SCYL3: variants seen among roughly 807,000 people sequenced by gnomAD.
The protein encoded by SCYL3 is SCY1 like pseudokinase 3.
A neutral mutation model predicts 73.8 loss-of-function variants in SCYL3; 35 were observed. The ratio of observed to expected loss-of-function variants is 0.47; its 90% confidence interval spans 0.36 to 0.63. The LOEUF (loss-of-function observed/expected upper bound fraction) is 0.63, where lower values mean the gene tolerates loss of function less well. Ranked by LOEUF, SCYL3 falls within the 20% of genes least tolerant of loss-of-function variation. The pLI, the probability that SCYL3 is intolerant of heterozygous loss-of-function variation, is 0.00. For missense variants in SCYL3, 712 were observed against 798.9 expected, an observed-to-expected ratio of 0.89 and a Z score of 1.31; for synonymous variants, 277 against 295.2, an observed-to-expected ratio of 0.94 and a Z score of 0.63.
At chr1:169,881,532 C>T (rs1216563713) in intron 2 of SCYL3, among the ~76,000 whole-genome samples, 1 of 152,166 alleles carries the variant, frequency 6.6e-6, no homozygotes. Context: ...CTTATATCTT[C>T]TATCTTGTAT....
At chr1:169,890,678 A>G (rs1662021401) in intron 1 of SCYL3, among the ~76,000 whole-genome samples, 1 of 152,262 alleles carries the variant, frequency 6.6e-6, no homozygotes, top group African/African-American at 2.4e-5. Flanking sequence ...AGATTTTCAA[A>G]ATCTAAAAAT....
intron 2 of SCYL3, among the ~76,000 whole-genome samples, chr1:169,886,716 A>G (rs1661710798): frequency 6.6e-6 from 1 of 152,256 alleles, no homozygotes; most frequent in South Asian, 2.1e-4. Flanking sequence ...ATCATCAGTT[A>G]GCAAATTATA....
intron 3 of SCYL3, among the ~76,000 whole-genome samples, chr1:169,877,900 AT>A (rs1436111369): frequency 1.3e-5 from 2 of 152,254 alleles, no homozygotes; most frequent in African/African-American, 2.4e-5. Flanking sequence ...TCTCCAATTA[AT>A]TGAAAAAAAT....
intron 12 of SCYL3, 171 bp from the exon 13 acceptor site, chr1:169,853,943 C>A: frequency 1.4e-6 from 1 of 733,266 alleles, no homozygotes; most frequent in Non-Finnish European, 2.2e-6. Context: ...AGTAGGATTA[C>A]AAAACCATGG....
chr1:169,852,797 C>CA lies in SCYL3; in HGVS notation c.*915dup. The CA allele has an allele frequency of 1.9e-6, 3 of 1,613,528 alleles. No individual in the cohort carries two copies. The highest frequency in any genetic ancestry group is 2.5e-6 in the Non-Finnish European group (3 of 1,179,798). On this transcript the variant is annotated 3_prime_UTR_variant, in exon 13 of 13. Coordinates refer to ENST00000367771, the MANE Select transcript of SCYL3 (RefSeq NM_020423.7). ...CTTATGTTTTTTTTCCAGCCTTATG[C>CA]AAAAAGAGCTCGTCAGGAGTTCCCC...
chr1:169,858,108 C>T (rs915215367), intron 11 of SCYL3, among the ~76,000 whole-genome samples: 4 of 152,088 alleles, frequency 2.6e-5, no homozygotes, highest in African/African-American at 9.7e-5. Flanking sequence ...AATTTTTCTT[C>T]AATAATGTTA....
intron 3 of SCYL3, among the ~76,000 whole-genome samples, chr1:169,877,192 G>A (rs376805888): frequency 2.6e-5 from 4 of 152,272 alleles, no homozygotes; most frequent in African/African-American, 9.6e-5. Flanking sequence ...CAGGGTCTCT[G>A]TTGCCCCAGC....
chr1:169,865,362 C>T (rs910924605), intron 8 of SCYL3, among the ~76,000 whole-genome samples: 6 of 152,112 alleles, frequency 3.9e-5, no homozygotes, highest in Admixed American at 1.3e-4. Context: ...ACCCCTACAC[C>T]GCTATCAGCA....
At chr1:169,858,503 G>A (rs1363109533) in intron 11 of SCYL3, among the ~76,000 whole-genome samples, 1 of 152,158 alleles carries the variant, frequency 6.6e-6, no homozygotes, top group Non-Finnish European at 1.5e-5. Flanking sequence ...TTAATAAGCA[G>A]AAGGAATACA....
In SCYL3 at chr1:169,851,726, G is replaced by A. The variant is rs577253439; in HGVS notation, c.*1987C>T. 4 of 1,504,618 alleles carry A rather than the reference G, an allele frequency of 2.7e-6. No individual in the cohort carries two copies. In the South Asian group the frequency reaches 5.2e-5, roughly 20 times the overall value. 93.2% of individuals were successfully genotyped at this position (1,504,618 alleles called of 1,614,324 possible). On this transcript the variant is annotated 3_prime_UTR_variant, in exon 13 of 13. Transcript: ENST00000367771. ...CTTCCAGAATTTGCCTAGTATGGTT[G>A]AACACTCAGCACTTAAATTATGTGG...
intron 8 of SCYL3, among the ~76,000 whole-genome samples, chr1:169,865,775 T>C (rs899560844): frequency 6.6e-6 from 1 of 152,194 alleles, no homozygotes; most frequent in Non-Finnish European, 1.5e-5. Flanking sequence ...AATGAACAGG[T>C]ACCTGTTCGT....
intron 2 of SCYL3, among the ~76,000 whole-genome samples, chr1:169,886,904 A>T (rs1389155131): frequency 6.6e-6 from 1 of 152,210 alleles, no homozygotes; most frequent in Non-Finnish European, 1.5e-5. Context: ...GTAACAGAAA[A>T]CACTATATAT....
At chr1:169,859,691 G>A (rs1420753794) in intron 10 of SCYL3, 1 of 152,450 alleles carries the variant, frequency 6.6e-6, no homozygotes, top group East Asian at 1.9e-4. Context: ...ATGATCTTTT[G>A]TCCAGTAATA....
chr1:169,850,355 T>A lies in SCYL3; in HGVS notation c.*3358A>T, dbSNP rs1342252805. ...ATCCTTTCTGGAGAAGGTACTTTCT[T>A]TACATGGCTCATGTTTTATTCTTTG... On this transcript the variant is annotated 3_prime_UTR_variant, in exon 13 of 13. Coordinates refer to ENST00000367771, the MANE Select transcript of SCYL3 (RefSeq NM_020423.7). 5 of 1,569,706 alleles carry A rather than the reference T, an allele frequency of 3.2e-6. No individual in the cohort carries two copies. The Admixed American group carries it at 6.9e-5, about 22-fold the overall frequency.
At chr1:169,889,710 A>G (rs1365738385) in intron 1 of SCYL3, among the ~76,000 whole-genome samples, 1 of 152,248 alleles carries the variant, frequency 6.6e-6, no homozygotes, top group African/African-American at 2.4e-5. Flanking sequence ...AAGGATTATC[A>G]TGATGTATGA....
At chr1:169,889,086 T>C (rs1259662011) in intron 1 of SCYL3, among the ~76,000 whole-genome samples, 196 bp from the exon 2 acceptor site, 1 of 152,064 alleles carries the variant, frequency 6.6e-6, no homozygotes, top group East Asian at 1.9e-4. Context: ...CTAGAGAAAA[T>C]GCACATTACT....
chr1:169,858,821 C>T (rs79688441), intron 11 of SCYL3, among the ~76,000 whole-genome samples: 203 of 151,628 alleles, frequency 1.3e-3, no homozygotes, highest in African/African-American at 4.7e-3. Flanking sequence ...TCTCTATGCA[C>T]GTGTAAACAT....
chr1:169,883,295 C>T (rs977812837), intron 2 of SCYL3, among the ~76,000 whole-genome samples: 6 of 152,216 alleles, frequency 3.9e-5, no homozygotes, highest in Non-Finnish European at 5.9e-5. Flanking sequence ...GTAATGCTCG[C>T]GTGCCCACTG....
chr1:169,850,213 T>C lies in SCYL3; in HGVS notation c.*3500A>G. ...GCTCATAAAACTCATCTATTTGTCTTTGCAAGTTGTTGAAATGTTAAAATT... is the reference window on the plus strand; with the variant it reads ...GCTCATAAAACTCATCTATTTGTCTCTGCAAGTTGTTGAAATGTTAAAATT... On this transcript the variant is annotated 3_prime_UTR_variant, in exon 13 of 13. Coordinates refer to ENST00000367771, the MANE Select transcript of SCYL3 (RefSeq NM_020423.7). 3 of 1,228,890 alleles carry C rather than the reference T, an allele frequency of 2.4e-6. No individual in the cohort carries two copies. Among genetic ancestry groups the C allele is most frequent in the East Asian group, 2.3e-5 (1 of 42,668 alleles). 76.1% of individuals were successfully genotyped at this position (1,228,890 alleles called of 1,614,324 possible). A position where few individuals can be genotyped will look rare whatever the true frequency, so the allele number is the denominator to read the frequency against.
Sources: allele counts gnomAD v4.1 joint callset (sites outside exome capture counted in the v4.1 genomes callset), GRCh38; gene constraint gnomAD v4.1.1; transcripts MANE v1.5; gene names NCBI Gene and HGNC (gene_info 2026-07-23, HGNC 2026-07-21).